The following PTPRN2 variants were observed in gnomAD, a reference collection of about 807,000 sequenced individuals.
PTPRN2 encodes receptor-type tyrosine-protein phosphatase N2.
In PTPRN2, 74 loss-of-function variants were observed where a neutral mutation model predicts 118.8. The observed-to-expected ratio is 0.62, with a 90% CI of 0.52 to 0.76. The LOEUF is 0.76. PTPRN2 is among the 30% of genes least tolerant of loss of function. The pLI, the probability that PTPRN2 is intolerant of heterozygous loss-of-function variation, is 0.00. For synonymous variants in PTPRN2, 641 were observed against 608.0 expected, an observed-to-expected ratio of 1.05 and a Z score of -0.80; for missense variants, 1,481 against 1,394.4, an observed-to-expected ratio of 1.06 and a Z score of -0.99.
chr7:157,675,274 C>G (rs912409139), intron 13 of PTPRN2, among the ~76,000 whole-genome samples: 1 of 152,152 alleles, frequency 6.6e-6, no homozygotes, highest in Admixed American at 6.5e-5. Context: ...TCCCTCCTGC[C>G]GAGCCCTCAC....
At position 157,969,261 on chromosome 7, in the gene PTPRN2, C is replaced by T. The variant is rs62475446; in HGVS notation, c.1724-70524G>A. Reference sequence around the variant, plus strand: ...GGTAGCTGGGACCACAGGTGCATACCACCATGCCCAGCTTATTTCTGTATT... The same window carrying T: ...GGTAGCTGGGACCACAGGTGCATACTACCATGCCCAGCTTATTTCTGTATT... On this transcript the variant is annotated intron_variant, in intron 11 of 22. Coordinates refer to ENST00000389418, the MANE Select transcript of PTPRN2 (RefSeq NM_002847.5). Among the ~76,000 whole-genome samples, 261 of 152,036 alleles carry T rather than the reference C, an allele frequency of 1.7e-3. 1 individual carries two copies. The highest frequency in any genetic ancestry group is 3.2e-3 in the Non-Finnish European group (219 of 67,948).
At chr7:158,344,019 C>T (rs1459659003) in intron 2 of PTPRN2, among the ~76,000 whole-genome samples, 1 of 152,200 alleles carries the variant, frequency 6.6e-6, no homozygotes, top group Non-Finnish European at 1.5e-5. Flanking sequence ...CAGAAACTCA[C>T]ATTCAGGGAA....
rs1041281633 is a variant in PTPRN2, at chr7:158,574,873, C to T, written c.112+12685G>A. Among the ~76,000 whole-genome samples, 4 of 152,116 alleles carry T rather than the reference C, an allele frequency of 2.6e-5. No individual in the cohort carries two copies. Among genetic ancestry groups the T allele is most frequent in the African/African-American group, 7.2e-5 (3 of 41,394 alleles). On this transcript the variant is annotated intron_variant, in intron 1 of 22. Coordinates refer to ENST00000389418, the MANE Select transcript of PTPRN2 (RefSeq NM_002847.5). This position sits in a 1 kb window ranked among gnomAD's most constrained non-coding sequence, Gnocchi z 4.6. ...CAGGATGTCGAACAACGTCCCTGTCCGCCATCCACCTAGTCCCAGCAGCAG... is the reference window on the plus strand; with the variant it reads ...CAGGATGTCGAACAACGTCCCTGTCTGCCATCCACCTAGTCCCAGCAGCAG...
chr7:158,413,123 C>A (rs958589391), intron 2 of PTPRN2, among the ~76,000 whole-genome samples: 23 of 151,830 alleles, frequency 1.5e-4, no homozygotes, highest in Admixed American at 5.2e-4. Context: ...TCCTCAGCTC[C>A]AGGACCCATC....
At chr7:158,392,771 C>T (rs892517383) in intron 2 of PTPRN2, among the ~76,000 whole-genome samples, 1 of 152,176 alleles carries the variant, frequency 6.6e-6, no homozygotes, top group Non-Finnish European at 1.5e-5. Flanking sequence ...ACAGGCTTCC[C>T]GGTATCCCCT....
chr7:158,234,338 A>G (rs1829377367), intron 3 of PTPRN2, among the ~76,000 whole-genome samples: 2 of 152,218 alleles, frequency 1.3e-5, no homozygotes, highest in Admixed American at 1.3e-4. Context: ...TCAAATAAAA[A>G]CATATAAATG....
intron 11 of PTPRN2, chr7:158,027,671 A>T (rs1376632452): frequency 1.3e-5 from 2 of 152,222 alleles, no homozygotes; most frequent in Non-Finnish European, 2.9e-5. Context: ...CCCACAAGCC[A>T]CCCAGCCTCA....
At chr7:158,418,264 T>C (rs1194673008) in intron 2 of PTPRN2, among the ~76,000 whole-genome samples, 5 of 151,418 alleles carry the variant, frequency 3.3e-5, no homozygotes, top group African/African-American at 1.2e-4. Context: ...TGTCATGGTG[T>C]ACTACATCGA....
Position 158,316,909 on chromosome 7 carries a change from T to G in PTPRN2, c.187A>C (p.Lys63Gln). ...CGGTAAAAGTCCATTGCCGGAACCT[T>G]CTGGCACCTTCCAAACACTCCATCT... ...VNDGVFGRCQ[K>Q]VPAMDFYRYE... Residue 63 changes from lysine (K) to glutamine (Q), a missense_variant, in exon 3 of 23, where the codon AAG becomes CAG. Lys to Gln is a moderately conservative substitution (Grantham distance 53). Around this residue, in one of 3 missense-constraint regions of PTPRN2, gnomAD observed 1,115 missense variants for 994.2 expected, o/e 1.12. Coordinates refer to ENST00000389418, the MANE Select transcript of PTPRN2 (RefSeq NM_002847.5). 3 of 1,612,772 alleles carry G rather than the reference T, an allele frequency of 1.9e-6. No individual in the cohort carries two copies. The highest frequency in any genetic ancestry group is 8.5e-7 in the Non-Finnish European group (1 of 1,179,882).
At chr7:158,475,261 TCC>T (rs1563336978) in intron 2 of PTPRN2, among the ~76,000 whole-genome samples, 70 of 151,360 alleles carry the variant, frequency 4.6e-4, no homozygotes, top group African/African-American at 1.6e-3. Flanking sequence ...CTCCCCGGCT[TCC>T]CCTGTCTAGG....
rs550754312 is a variant in PTPRN2 at position 157,754,174 on chromosome 7, C to T, written c.1789-71237G>A. Among the ~76,000 whole-genome samples the T allele has an allele frequency of 5.3e-5, 8 of 152,352 alleles. No individual in the cohort carries two copies. In the East Asian group the frequency reaches 7.7e-4, roughly 15 times the overall value. ...AGCAGGGCCTGGTGCGGGCCCTTCC[C>T]GAGGAAGCCTGTGGGGCCTGAGTCC... On this transcript the variant is annotated intron_variant, in intron 12 of 22. Transcript: ENST00000389418.
chr7:158,307,315 A>C (rs1011466064), intron 3 of PTPRN2, among the ~76,000 whole-genome samples: 8 of 152,212 alleles, frequency 5.3e-5, no homozygotes, highest in Admixed American at 3.9e-4. Flanking sequence ...AATTCAGTAC[A>C]GCAGCTCAAC....
chr7:158,444,586 C>A (rs990027882), intron 2 of PTPRN2, among the ~76,000 whole-genome samples: 1 of 152,232 alleles, frequency 6.6e-6, no homozygotes, highest in East Asian at 1.9e-4. Flanking sequence ...AGCACCAAGA[C>A]CCCCCTAGAC....
At chr7:157,992,190 A>C (rs1011669927) in intron 11 of PTPRN2, among the ~76,000 whole-genome samples, 1 of 152,246 alleles carries the variant, frequency 6.6e-6, no homozygotes, top group Non-Finnish European at 1.5e-5. Flanking sequence ...TGTAAATGAA[A>C]AGCAGAATCA....
At chr7:158,052,150 T>A (rs963788205) in intron 11 of PTPRN2, among the ~76,000 whole-genome samples, 1 of 152,222 alleles carries the variant, frequency 6.6e-6, no homozygotes, top group Non-Finnish European at 1.5e-5. Flanking sequence ...TTATATTATC[T>A]TAGACAGCAG....
intron 2 of PTPRN2, among the ~76,000 whole-genome samples, chr7:158,321,512 G>A (rs1422600243): frequency 6.6e-6 from 1 of 152,240 alleles, no homozygotes; most frequent in African/African-American, 2.4e-5. Flanking sequence ...GCCATGCTGA[G>A]CTCCCAGCTG....
At chr7:157,715,180 G>A (rs1351525854) in intron 12 of PTPRN2, among the ~76,000 whole-genome samples, 1 of 152,230 alleles carries the variant, frequency 6.6e-6, no homozygotes, top group African/African-American at 2.4e-5. Flanking sequence ...CCCCTGCAGG[G>A]TGGGAGAGAA....
chr7:158,329,652 G>A (rs765287538), intron 2 of PTPRN2, among the ~76,000 whole-genome samples: 2 of 152,062 alleles, frequency 1.3e-5, no homozygotes, highest in Non-Finnish European at 2.9e-5. Flanking sequence ...TCTAAGCCCC[G>A]CAATAGGTGG....
At position 157,802,198 on chromosome 7, in the gene PTPRN2, C is replaced by T. The variant is rs930311682; in HGVS notation, c.1788+96475G>A. On this transcript the variant is annotated intron_variant, in intron 12 of 22. Coordinates refer to ENST00000389418, the MANE Select transcript of PTPRN2 (RefSeq NM_002847.5). ...AGATGTCGAGACCGCGTTGAGGCCG[C>T]GTCGCTGAAACCTTGTGCCCTTGGA... Among the ~76,000 whole-genome samples the T allele has an allele frequency of 5.1e-4, 77 of 152,206 alleles. 1 individual carries two copies. The highest frequency in any genetic ancestry group is 2.2e-3 in the Admixed American group (33 of 15,274).
Sources: gnomAD v4.1 joint callset for allele counts (sites outside exome capture counted in the v4.1 genomes callset) on GRCh38, gnomAD v4.1.1 for gene constraint, gnomAD v4.1.1 regional missense constraint, Gnocchi (gnomAD v3.1) non-coding constraint, MANE v1.5 for transcripts, NCBI Gene and HGNC (gene_info 2026-07-23, HGNC 2026-07-21) for gene names.